Variants in TAFA2 observed in about 807,000 individuals in gnomAD.
The protein encoded by TAFA2 is TAFA chemokine like family member 2.
In TAFA2, 7 loss-of-function variants were observed where a neutral mutation model predicts 18.8. The ratio of observed to expected loss-of-function variants is 0.37; its 90% CI spans 0.21 to 0.70. The LOEUF (loss-of-function observed/expected upper bound fraction) is 0.70, where lower values mean the gene tolerates loss of function less well. Among genes scored for constraint, TAFA2 ranks in the 30% least tolerant of loss-of-function variants. The pLI, the probability that TAFA2 is intolerant of heterozygous loss-of-function variation, is 0.53. For synonymous variants in TAFA2, 60 were observed against 54.2 expected (o/e 1.11, Z -0.47); for missense variants, 122 against 158.1 (o/e 0.77, Z 1.23).
intron 1 of TAFA2, among the ~76,000 whole-genome samples, chr12:62,097,328 T>G (rs2136843079): frequency 6.6e-6 from 1 of 152,184 alleles, no homozygotes; most frequent in South Asian, 2.1e-4. Context: ...ATAATTAAAC[T>G]AAGGCCTAAC....
chr12:61,816,158 GCTCCTCTCC>G (rs991442398), intron 2 of TAFA2, among the ~76,000 whole-genome samples: 2 of 150,972 alleles, frequency 1.3e-5, no homozygotes, highest in African/African-American at 4.9e-5. Flanking sequence ...GTCTTTTCCT[GCTCCTCTCC>G]CTCCTCTCAC....
intron 1 of TAFA2, among the ~76,000 whole-genome samples, chr12:62,055,574 A>C (rs1253310397): frequency 6.6e-6 from 1 of 152,228 alleles, no homozygotes; most frequent in Admixed American, 6.5e-5. Flanking sequence ...ATTGAAAAAA[A>C]CAGTAATGAT....
At chr12:61,843,495 G>A (rs1189639386) in intron 2 of TAFA2, among the ~76,000 whole-genome samples, 1 of 152,048 alleles carries the variant, frequency 6.6e-6, no homozygotes, top group Non-Finnish European at 1.5e-5. Flanking sequence ...CACAGAGTAA[G>A]TTTTCAAAGG....
chr12:62,086,351 G>A lies in TAFA2; in HGVS notation c.-2+104908C>T, dbSNP rs191223862. 9.2e-5 allele frequency among the ~76,000 whole-genome samples: 14 copies of A among 152,072 alleles called. No homozygotes were observed. The East Asian group carries it at 1.7e-3, about 19-fold the overall frequency. On this transcript the variant is annotated intron_variant, in intron 1 of 4. Transcript: ENST00000416284. Reference sequence around the variant, plus strand: ...TGTCAGAGGACAGTATCAACAGAGTGAAAAGACAACCCATAAAATGAGACA... The same window carrying A: ...TGTCAGAGGACAGTATCAACAGAGTAAAAAGACAACCCATAAAATGAGACA...
chr12:61,718,741 T>C (rs1869766957), intron 4 of TAFA2, among the ~76,000 whole-genome samples: 1 of 152,212 alleles, frequency 6.6e-6, no homozygotes, highest in Non-Finnish European at 1.5e-5. Context: ...AGTTCATTTT[T>C]TTAGACTAGG....
intron 1 of TAFA2, among the ~76,000 whole-genome samples, chr12:62,250,138 T>A (rs1407608899): frequency 6.6e-6 from 1 of 152,226 alleles, no homozygotes; most frequent in Non-Finnish European, 1.5e-5. Flanking sequence ...ATCAATATGT[T>A]GTAAATTCAG....
At chr12:61,893,725 CTA>C (rs1875727739) in intron 1 of TAFA2, among the ~76,000 whole-genome samples, 1 of 152,228 alleles carries the variant, frequency 6.6e-6, no homozygotes, top group Admixed American at 6.5e-5. Flanking sequence ...CAAATATTTT[CTA>C]TGTTTTAGTT....
chr12:61,741,541 A>G (rs968115409), intron 4 of TAFA2, among the ~76,000 whole-genome samples: 9 of 152,126 alleles, frequency 5.9e-5, no homozygotes, highest in Admixed American at 5.9e-4. Flanking sequence ...CTAAGGAGAC[A>G]AATTATAGGT....
intron 1 of TAFA2, among the ~76,000 whole-genome samples, chr12:62,190,590 A>C (rs1183202319): frequency 3.9e-5 from 6 of 152,246 alleles, no homozygotes; most frequent in African/African-American, 1.4e-4. Context: ...GCTCTCTTGT[A>C]GTAGCCTTTA....
chr12:61,955,164 A>G (rs1221134688), intron 1 of TAFA2, among the ~76,000 whole-genome samples: 1 of 152,178 alleles, frequency 6.6e-6, no homozygotes, highest in Admixed American at 6.6e-5. Context: ...TAAACTTACT[A>G]GCTGCTATTT....
At chr12:61,993,331 T>C (rs967595902) in intron 1 of TAFA2, among the ~76,000 whole-genome samples, 6 of 152,202 alleles carry the variant, frequency 3.9e-5, no homozygotes, top group Admixed American at 3.9e-4. Flanking sequence ...TTAAAGTTTA[T>C]AAAGAATGAA....
chr12:61,755,025 C>T lies in TAFA2; in HGVS notation c.107-1G>A. 6.2e-7 allele frequency: 1 copy of T among 1,612,150 alleles called. No homozygotes were observed. The highest frequency in any genetic ancestry group is 8.5e-7 in the Non-Finnish European group (1 of 1,179,044). ...CAAGTTCCCGTTTTAACATGGTGAG[C>T]TGCACAAACAAAAAAGATAAGACAA... On this transcript the variant is annotated splice_acceptor_variant, in intron 2 of 4. Transcript: ENST00000416284. LOFTEE classifies it high-confidence loss of function.
intron 4 of TAFA2, among the ~76,000 whole-genome samples, chr12:61,717,453 A>G (rs933956226): frequency 6.6e-6 from 1 of 152,104 alleles, no homozygotes; most frequent in African/African-American, 2.4e-5. Flanking sequence ...AAACCATTGT[A>G]TTTTCATACC....
chr12:61,851,648 G>A (rs906142371), intron 2 of TAFA2, among the ~76,000 whole-genome samples: 1 of 150,992 alleles, frequency 6.6e-6, no homozygotes, highest in Non-Finnish European at 1.5e-5. Flanking sequence ...GGCGGCGGGG[G>A]CCTATAGTCC....
intron 2 of TAFA2, among the ~76,000 whole-genome samples, chr12:61,858,859 C>T (rs1873997764): frequency 6.6e-6 from 1 of 152,110 alleles, no homozygotes; most frequent in South Asian, 2.1e-4. Flanking sequence ...ACCCAAACAT[C>T]CATCAACAGT....
intron 1 of TAFA2, among the ~76,000 whole-genome samples, chr12:62,199,705 G>A (rs2062663412): frequency 6.6e-6 from 1 of 152,010 alleles, no homozygotes. Flanking sequence ...AAATAGTATT[G>A]CAATGAACAT....
chr12:61,875,241 T>C (rs1306507642), intron 1 of TAFA2, among the ~76,000 whole-genome samples: 1 of 152,130 alleles, frequency 6.6e-6, no homozygotes, highest in Non-Finnish European at 1.5e-5. Flanking sequence ...TGACTGTAGA[T>C]AGTTTGAGGA....
At chr12:61,933,333 A>T (rs994502476) in intron 1 of TAFA2, among the ~76,000 whole-genome samples, 1 of 152,160 alleles carries the variant, frequency 6.6e-6, no homozygotes, top group Non-Finnish European at 1.5e-5. Context: ...TGGATAGGAA[A>T]CACCTACCTC....
intron 2 of TAFA2, among the ~76,000 whole-genome samples, chr12:61,807,385 AGATGTACG>A (rs1250810075): frequency 6.6e-6 from 1 of 151,416 alleles, no homozygotes; most frequent in Non-Finnish European, 1.5e-5. Flanking sequence ...AGATTTCAGA[AGATGTACG>A]GAAGTGCCTG....
Sources: allele counts gnomAD v4.1 joint callset (sites outside exome capture counted in the v4.1 genomes callset), GRCh38; gene constraint gnomAD v4.1.1; transcripts MANE v1.5; gene names NCBI Gene and HGNC (gene_info 2026-07-23, HGNC 2026-07-21).